VRK2: variants seen among roughly 807,000 people sequenced by gnomAD.
The protein encoded by VRK2 is serine/threonine-protein kinase VRK2.
In VRK2, 60 loss-of-function variants were observed where a neutral mutation model predicts 57.6. That is an observed-to-expected ratio of 1.04 (90% CI 0.85 to 1.29). The LOEUF is 1.29. Ranked by LOEUF, VRK2 falls within the 50% of genes most tolerant of loss-of-function variation. The pLI, the probability that VRK2 is intolerant of heterozygous loss-of-function variation, is 0.00. For synonymous variants in VRK2, 231 were observed against 199.2 expected, an observed-to-expected ratio of 1.16 and a Z score of -1.35; for missense variants, 705 against 588.1, an observed-to-expected ratio of 1.20 and a Z score of -2.06.
intron 1 of VRK2, among the ~76,000 whole-genome samples, chr2:57,931,476 T>C (rs1670722110): frequency 6.6e-6 from 1 of 152,210 alleles, no homozygotes; most frequent in Non-Finnish European, 1.5e-5. Flanking sequence ...CTTGATTTTT[T>C]GCTACTGAGT....
chr2:58,056,911 G>C (rs1289086759), intron 2 of VRK2, among the ~76,000 whole-genome samples: 1 of 152,158 alleles, frequency 6.6e-6, no homozygotes, highest in African/African-American at 2.4e-5. Flanking sequence ...GGAAACAAAT[G>C]GTGGCTTGGT....
chr2:58,136,855 A>G (rs898965548), intron 10 of VRK2, among the ~76,000 whole-genome samples: 1 of 117,506 alleles, frequency 8.5e-6, no homozygotes, highest in East Asian at 2.1e-4. Flanking sequence ...TATATCATAT[A>G]TATGTGTATA....
intron 1 of VRK2, among the ~76,000 whole-genome samples, chr2:57,926,630 T>A (rs1464962599): frequency 1.3e-5 from 2 of 151,872 alleles, no homozygotes; most frequent in Non-Finnish European, 2.9e-5. Flanking sequence ...ACAGTTTTTG[T>A]CTTGAAATCT....
At chr2:58,050,869 G>A (rs893044605) in intron 2 of VRK2, among the ~76,000 whole-genome samples, 2 of 150,680 alleles carry the variant, frequency 1.3e-5, no homozygotes, top group African/African-American at 4.9e-5. Flanking sequence ...TTTTGAGACA[G>A]AGTCTCGCTC....
intron 1 of VRK2, among the ~76,000 whole-genome samples, chr2:57,951,835 C>T (rs1671435148): frequency 6.6e-6 from 1 of 151,974 alleles, no homozygotes; most frequent in Admixed American, 6.6e-5. Context: ...CCTCAGATTC[C>T]TGGGCTCAAG....
chr2:57,975,026 C>T (rs1177653126), intron 1 of VRK2, among the ~76,000 whole-genome samples: 5 of 151,764 alleles, frequency 3.3e-5, no homozygotes, highest in Non-Finnish European at 5.9e-5. Flanking sequence ...AAACTTTATA[C>T]AGCATATCAT....
intron 1 of VRK2, among the ~76,000 whole-genome samples, chr2:57,926,904 T>C (rs1670556727): frequency 6.6e-6 from 1 of 151,908 alleles, no homozygotes; most frequent in African/African-American, 2.4e-5. Context: ...ATTTTGTTAT[T>C]TGTTTTCCAG....
intron 2 of VRK2, among the ~76,000 whole-genome samples, chr2:58,071,054 G>A (rs1326242752): frequency 6.6e-6 from 1 of 151,914 alleles, no homozygotes; most frequent in Non-Finnish European, 1.5e-5. Flanking sequence ...CAATTTCCTG[G>A]TTATATATGA....
intron 7 of VRK2, among the ~76,000 whole-genome samples, chr2:58,115,320 A>G (rs901907583): frequency 2.6e-5 from 4 of 152,188 alleles, no homozygotes; most frequent in South Asian, 2.1e-4. Context: ...AGTCCGGGCC[A>G]GAAACAATGG....
At chr2:57,985,737 G>A (rs1473099554) in intron 1 of VRK2, among the ~76,000 whole-genome samples, 1 of 151,866 alleles carries the variant, frequency 6.6e-6, no homozygotes, top group Non-Finnish European at 1.5e-5. Context: ...AGAAATAAAA[G>A]GCATCCATAT....
chr2:58,084,838 G>T (rs751767550), intron 3 of VRK2, 43 bp from the exon 4 acceptor site: 6 of 1,258,810 alleles, frequency 4.8e-6, no homozygotes, highest in Admixed American at 4.2e-5. Context: ...CCATCTTTGG[G>T]ATTATTTTTT....
chr2:57,959,502 C>A (rs1394433595), intron 1 of VRK2, among the ~76,000 whole-genome samples: 2 of 152,152 alleles, frequency 1.3e-5, no homozygotes, highest in Non-Finnish European at 2.9e-5. Context: ...CCTGACTACA[C>A]AAGCTGTCCC....
At chr2:57,933,150 G>A (rs1670785946) in intron 1 of VRK2, among the ~76,000 whole-genome samples, 1 of 151,912 alleles carries the variant, frequency 6.6e-6, no homozygotes, top group African/African-American at 2.4e-5. Flanking sequence ...ATTCTGCTGT[G>A]TTTGGATGAA....
At chr2:57,970,440 T>G (rs1053996394) in intron 1 of VRK2, among the ~76,000 whole-genome samples, 4 of 151,266 alleles carry the variant, frequency 2.6e-5, no homozygotes, top group African/African-American at 9.7e-5. Context: ...CTTTGTGGAT[T>G]TTTTTTATCT....
chr2:58,086,165 A>G (rs1671595619), intron 4 of VRK2, among the ~76,000 whole-genome samples, 174 bp from the exon 5 acceptor site: 1 of 151,724 alleles, frequency 6.6e-6, no homozygotes, highest in African/African-American at 2.4e-5. Flanking sequence ...TTTTTTGTTA[A>G]TTATAGTGGT....
At chr2:57,933,529 C>T (rs1440438359) in intron 1 of VRK2, among the ~76,000 whole-genome samples, 6 of 151,484 alleles carry the variant, frequency 4.0e-5, no homozygotes, top group Admixed American at 2.0e-4. Flanking sequence ...AGGATAGTCT[C>T]GATTTCTTGA....
intron 1 of VRK2, among the ~76,000 whole-genome samples, chr2:57,915,458 T>C (rs541406727): frequency 3.0e-4 from 46 of 152,172 alleles, no homozygotes; most frequent in African/African-American, 1.1e-3. Context: ...ATCAGGTGAA[T>C]GGATTAAAAA....
chr2:58,017,462 A>G (rs576415934), intron 1 of VRK2, among the ~76,000 whole-genome samples: 27 of 152,100 alleles, frequency 1.8e-4, no homozygotes, highest in Non-Finnish European at 2.8e-4. Flanking sequence ...ATGGTCCCCA[A>G]TTTGATCCCA....
At chr2:58,127,808 T>A (rs1440595952) in intron 8 of VRK2, among the ~76,000 whole-genome samples, 1 of 152,184 alleles carries the variant, frequency 6.6e-6, no homozygotes, top group Non-Finnish European at 1.5e-5. Context: ...CCGAACCCTG[T>A]TTTTCTTCAT....
Sources: allele counts gnomAD v4.1 joint callset (sites outside exome capture counted in the v4.1 genomes callset), GRCh38; gene constraint gnomAD v4.1.1; transcripts MANE v1.5; gene names NCBI Gene and HGNC (gene_info 2026-07-23, HGNC 2026-07-21).